Variants in MCTP2 observed in about 807,000 individuals in gnomAD.
MCTP2 encodes multiple C2 and transmembrane domain-containing protein 2.
In MCTP2, 132 loss-of-function variants were observed where a neutral mutation model predicts 111.6. The ratio of observed to expected loss-of-function variants is 1.18; its 90% CI spans 1.03 to 1.37. The LOEUF is 1.37. Ranked by LOEUF, MCTP2 falls within the 40% of genes most tolerant of loss-of-function variation. The probability of loss-of-function intolerance (pLI) is 0.00; values close to 1 mark genes in which losing one functional copy is unlikely to be tolerated. For missense variants in MCTP2, 1,183 were observed against 1,067.9 expected, an observed-to-expected ratio of 1.11 and a Z score of -1.50; for synonymous variants, 395 against 387.7, an observed-to-expected ratio of 1.02 and a Z score of -0.22.
intron 20 of MCTP2, among the ~76,000 whole-genome samples, chr15:94,464,580 A>G (rs2073109486): frequency 6.6e-6 from 1 of 151,656 alleles, no homozygotes; most frequent in Non-Finnish European, 1.5e-5. Flanking sequence ...ATATTTTTCT[A>G]ACTCTTTAAG....
At chr15:94,360,197 C>G (rs538706416) in intron 10 of MCTP2, among the ~76,000 whole-genome samples, 2 of 152,312 alleles carry the variant, frequency 1.3e-5, no homozygotes, top group South Asian at 2.1e-4. Flanking sequence ...CTGCACATCC[C>G]CAATTCTATG....
At chr15:94,278,433 G>T (rs2074319891) in intron 1 of MCTP2, among the ~76,000 whole-genome samples, 2 of 152,048 alleles carry the variant, frequency 1.3e-5, no homozygotes, top group East Asian at 1.9e-4. Context: ...TATCCAAATG[G>T]ATAAACAAAG....
intron 14 of MCTP2, among the ~76,000 whole-genome samples, chr15:94,394,393 T>C (rs1342905203): frequency 6.6e-6 from 1 of 152,170 alleles, no homozygotes; most frequent in Non-Finnish European, 1.5e-5. Context: ...TATTTTCATC[T>C]GCATTGTTTT....
chr15:94,456,509 T>C (rs1267310202), intron 19 of MCTP2, among the ~76,000 whole-genome samples: 2 of 152,210 alleles, frequency 1.3e-5, no homozygotes, highest in Non-Finnish European at 1.5e-5. Flanking sequence ...TGAATACTTA[T>C]GTGGCAGACA....
chr15:94,347,023 A>G (rs1478578352), intron 8 of MCTP2, among the ~76,000 whole-genome samples: 2 of 152,166 alleles, frequency 1.3e-5, no homozygotes, highest in Non-Finnish European at 2.9e-5. Flanking sequence ...TCCTAGATAA[A>G]TAAAGTTTAC....
At chr15:94,250,624 T>G (rs1220156921) in intron 1 of MCTP2, among the ~76,000 whole-genome samples, 1 of 152,210 alleles carries the variant, frequency 6.6e-6, no homozygotes, top group African/African-American at 2.4e-5. Context: ...TTTTTTCTAT[T>G]AGCTGAACAG....
intron 20 of MCTP2, among the ~76,000 whole-genome samples, chr15:94,462,075 G>C (rs1291485510): frequency 6.6e-6 from 1 of 152,144 alleles, no homozygotes; most frequent in Non-Finnish European, 1.5e-5. Context: ...CATTTCCCTG[G>C]GAAGAAGAGT....
chr15:94,311,277 T>G (rs1374028900), intron 2 of MCTP2, among the ~76,000 whole-genome samples: 1 of 150,852 alleles, frequency 6.6e-6, no homozygotes, highest in Non-Finnish European at 1.5e-5. Flanking sequence ...TCCGCCCACC[T>G]TGGCCTCCCA....
intron 17 of MCTP2, among the ~76,000 whole-genome samples, chr15:94,426,657 T>C (rs896023360): frequency 2.0e-5 from 3 of 152,162 alleles, no homozygotes; most frequent in African/African-American, 7.2e-5. Context: ...AAATCACCCA[T>C]CTATTCTGGT....
At chr15:94,313,050 G>A (rs556628861) in intron 2 of MCTP2, among the ~76,000 whole-genome samples, 1 of 152,264 alleles carries the variant, frequency 6.6e-6, no homozygotes, top group East Asian at 1.9e-4. Context: ...TGTCTCCGGG[G>A]CTGCCTCTCA....
At chr15:94,367,885 T>G (rs553663392) in intron 11 of MCTP2, 94 bp downstream of exon 11, 173 of 1,129,016 alleles carry the variant, frequency 1.5e-4, no homozygotes, top group Non-Finnish European at 2.0e-4. Context: ...ATTGAAAAAC[T>G]ACATCAAAAG....
chr15:94,232,942 A>G (rs2070291136), intron 1 of MCTP2, among the ~76,000 whole-genome samples: 1 of 152,182 alleles, frequency 6.6e-6, no homozygotes, highest in Admixed American at 6.5e-5. Flanking sequence ...AGTAGATACT[A>G]TTCCCCTGTG....
At chr15:94,361,897 A>G (rs531344246) in intron 10 of MCTP2, among the ~76,000 whole-genome samples, 1 of 152,268 alleles carries the variant, frequency 6.6e-6, no homozygotes, top group South Asian at 2.1e-4. Context: ...TCACATTGGC[A>G]TGGGTAGGTT....
chr15:94,392,097 C>T (rs948335754), intron 14 of MCTP2, among the ~76,000 whole-genome samples: 14 of 152,062 alleles, frequency 9.2e-5, no homozygotes, highest in African/African-American at 4.8e-5. Context: ...TAAGGCCAGG[C>T]GCGGTGGCTC....
At chr15:94,300,989 G>C (rs1239030058) in intron 2 of MCTP2, among the ~76,000 whole-genome samples, 1 of 152,082 alleles carries the variant, frequency 6.6e-6, no homozygotes, top group Admixed American at 6.5e-5. Context: ...GGGGTTGTTG[G>C]GTTGGCTATT....
intron 1 of MCTP2, among the ~76,000 whole-genome samples, chr15:94,269,778 C>G (rs982634162): frequency 6.6e-6 from 1 of 152,140 alleles, no homozygotes; most frequent in Non-Finnish European, 1.5e-5. Flanking sequence ...ACTTCAAGGA[C>G]TCTCTGGGCT....
intron 1 of MCTP2, among the ~76,000 whole-genome samples, chr15:94,240,587 C>T (rs933139563): frequency 6.6e-6 from 1 of 152,206 alleles, no homozygotes; most frequent in African/African-American, 2.4e-5. Flanking sequence ...GCCTTAAAAC[C>T]ACATCCATGT....
chr15:94,400,104 T>TCCTCCTCTCTCCCTCTTGCC (rs1332615662), intron 16 of MCTP2, 109 bp downstream of exon 16: 53 of 832,452 alleles, frequency 6.4e-5, no homozygotes, highest in Non-Finnish European at 9.0e-5. Context: ...TCCCTCTTAC[T>TCCTCCTCTCTCCCTCTTGCC]CCTCCTCTCT....
At chr15:94,336,954 A>G (rs1350917400) in intron 4 of MCTP2, among the ~76,000 whole-genome samples, 1 of 152,076 alleles carries the variant, frequency 6.6e-6, no homozygotes, top group African/African-American at 2.4e-5. Flanking sequence ...CGAGTACCAC[A>G]CTACTACAAG....
Sources: allele counts gnomAD v4.1 joint callset (sites outside exome capture counted in the v4.1 genomes callset), GRCh38; gene constraint gnomAD v4.1.1; transcripts MANE v1.5; gene names NCBI Gene and HGNC (gene_info 2026-07-23, HGNC 2026-07-21).